PTPRT: variants seen among roughly 807,000 people sequenced by gnomAD.
PTPRT encodes protein tyrosine phosphatase receptor type T.
Under a neutral mutation model 176.8 loss-of-function variants are expected in PTPRT, and 56 were observed. The ratio of observed to expected loss-of-function variants is 0.32; its 90% CI spans 0.26 to 0.40. The LOEUF (loss-of-function observed/expected upper bound fraction) is 0.40, where lower values mean the gene tolerates loss of function less well. Ranked by LOEUF, PTPRT falls within the 10% of genes least tolerant of loss-of-function variation. The pLI is 1.00. For synonymous variants in PTPRT, 783 were observed against 739.0 expected (o/e 1.06, Z -0.96); for missense variants, 1,540 against 1,908.2 (o/e 0.81, Z 3.60).
intron 12 of PTPRT, among the ~76,000 whole-genome samples, chr20:42,296,476 A>G (rs2057389380): frequency 6.6e-6 from 1 of 152,110 alleles, no homozygotes; most frequent in Admixed American, 6.6e-5. Context: ...AAATAATATA[A>G]AAGAACAAAG....
At chr20:42,495,479 C>T (rs1421518682) in intron 7 of PTPRT, among the ~76,000 whole-genome samples, 1 of 152,132 alleles carries the variant, frequency 6.6e-6, no homozygotes, top group Non-Finnish European at 1.5e-5. Flanking sequence ...TGGCATCCTA[C>T]CCTTTATGCC....
chr20:42,534,036 C>G (rs891040004), intron 7 of PTPRT, among the ~76,000 whole-genome samples: 2 of 152,198 alleles, frequency 1.3e-5, no homozygotes, highest in Admixed American at 6.5e-5. Flanking sequence ...TGAAGGAAGA[C>G]AGGTCACCTG....
chr20:42,603,551 G>A (rs956960346), intron 7 of PTPRT, among the ~76,000 whole-genome samples: 4 of 152,256 alleles, frequency 2.6e-5, no homozygotes, highest in Admixed American at 2.6e-4. Context: ...TGGGCCTTGT[G>A]GGCCATATAA....
At chr20:42,147,362 T>C (rs116891565) in intron 17 of PTPRT, among the ~76,000 whole-genome samples, 1,651 of 152,328 alleles carry the variant, frequency 0.011, 20 homozygotes, top group Non-Finnish European at 0.017. Flanking sequence ...AGTGGATCCA[T>C]AGCATCTATC....
At chr20:42,629,226 G>A (rs560792332) in intron 7 of PTPRT, among the ~76,000 whole-genome samples, 2 of 151,894 alleles carry the variant, frequency 1.3e-5, no homozygotes, top group South Asian at 4.2e-4. Flanking sequence ...TTATAGAGAC[G>A]AGTGTTGATG....
intron 20 of PTPRT, among the ~76,000 whole-genome samples, chr20:42,119,366 G>A (rs1042758216): frequency 2.6e-5 from 4 of 151,958 alleles, no homozygotes; most frequent in African/African-American, 7.3e-5. Flanking sequence ...AAGATTTTTC[G>A]CTTTTTTATT....
rs971129042 is a variant in PTPRT at position 42,080,204 on chromosome 20, A to T, written c.*675T>A. 3.9e-5 allele frequency: 9 copies of T among 232,658 alleles called. No homozygotes were observed. The highest frequency in any genetic ancestry group is 1.8e-4 in the African/African-American group (8 of 45,282). 14.4% of individuals were successfully genotyped at this position (232,658 alleles called of 1,614,324 possible). A position where few individuals can be genotyped will look rare whatever the true frequency, so the allele number is the denominator to read the frequency against. On this transcript the variant is annotated 3_prime_UTR_variant, in exon 31 of 31. Coordinates refer to ENST00000373187, the MANE Select transcript of PTPRT (RefSeq NM_007050.6). ...AAAGCAAAGAACACCTTTATCAAAAACTGCTGTGGACACAGCTGGCCGGCC... is the reference window on the plus strand; with the variant it reads ...AAAGCAAAGAACACCTTTATCAAAATCTGCTGTGGACACAGCTGGCCGGCC...
Position 42,429,591 on chromosome 20 carries a change from A to G in PTPRT, c.1560+18629T>C, listed in dbSNP as rs532035522. On this transcript the variant is annotated intron_variant, in intron 9 of 30. Transcript: ENST00000373187. ...GAGACTCAATCTCCTGTGCCAGGGC[A>G]CAGGCAGAGAAAGGTGGAGGGAAGA... Among the ~76,000 whole-genome samples, 4 of 152,338 alleles carry G rather than the reference A, an allele frequency of 2.6e-5. No homozygotes were observed. The South Asian group carries it at 8.3e-4, about 32-fold the overall frequency.
intron 9 of PTPRT, among the ~76,000 whole-genome samples, chr20:42,446,914 A>T (rs979887837): frequency 2.0e-5 from 3 of 152,068 alleles, no homozygotes; most frequent in African/African-American, 7.2e-5. Flanking sequence ...GCAACTTCTA[A>T]GAGGGAGATG....
intron 1 of PTPRT, among the ~76,000 whole-genome samples, chr20:43,008,194 G>A (rs1178161538): frequency 6.6e-6 from 1 of 151,996 alleles, no homozygotes; most frequent in Non-Finnish European, 1.5e-5. Flanking sequence ...GCCTTTGAGA[G>A]ATAATGAGAT....
At chr20:42,462,396 G>A (rs770679875) in intron 8 of PTPRT, among the ~76,000 whole-genome samples, 2 of 152,172 alleles carry the variant, frequency 1.3e-5, no homozygotes, top group African/African-American at 2.4e-5. Flanking sequence ...GAAAGACCTA[G>A]CACAGGCAGG....
intron 1 of PTPRT, among the ~76,000 whole-genome samples, chr20:43,086,911 T>C (rs4812670): frequency 0.6 from 90,982 of 152,056 alleles, 27,688 homozygotes; most frequent in East Asian, 0.82. Flanking sequence ...TAATTTATTC[T>C]GGGTTTATTG....
chr20:43,128,269 GACAA>G (rs1014816704), intron 1 of PTPRT, among the ~76,000 whole-genome samples: 1 of 152,180 alleles, frequency 6.6e-6, no homozygotes, highest in Non-Finnish European at 1.5e-5. Context: ...CATAAAAAAG[GACAA>G]ACAGATACAA....
intron 1 of PTPRT, among the ~76,000 whole-genome samples, chr20:43,170,856 G>A (rs1466720937): frequency 6.6e-6 from 1 of 152,016 alleles, no homozygotes; most frequent in Non-Finnish European, 1.5e-5. Context: ...TATATTTAAG[G>A]GCAAACTAGT....
intron 7 of PTPRT, among the ~76,000 whole-genome samples, chr20:42,527,074 C>T (rs1355003370): frequency 6.6e-6 from 1 of 150,886 alleles, no homozygotes; most frequent in Non-Finnish European, 1.5e-5. Flanking sequence ...CGCCATTCTC[C>T]TGCCTCAGCC....
At chr20:42,423,200 A>C (rs2059135974) in intron 9 of PTPRT, among the ~76,000 whole-genome samples, 1 of 151,234 alleles carries the variant, frequency 6.6e-6, no homozygotes, top group Admixed American at 6.6e-5. Flanking sequence ...AAAAAAAAAA[A>C]AGGAAGAGAA....
chr20:42,952,052 G>A lies in PTPRT; in HGVS notation c.89-66120C>T, dbSNP rs548302235. ...GTGAGGAATACTAAATGCTATTAGG[G>A]TTAAACAGTAGTCAGAAGGTCGAGA... is the stretch of plus-strand genomic sequence containing the variant. On this transcript the variant is annotated intron_variant, in intron 1 of 30. Coordinates refer to ENST00000373187, the MANE Select transcript of PTPRT (RefSeq NM_007050.6). 3.0e-3 allele frequency among the ~76,000 whole-genome samples: 451 copies of A among 152,280 alleles called. 3 individuals carry two copies. The highest frequency in any genetic ancestry group is 2.3e-3 in the Non-Finnish European group (158 of 68,026).
In PTPRT at chr20:42,199,295, G is replaced by C. The variant is rs145661499; in HGVS notation, c.2436C>G (p.Ser812Arg). 2.5e-6 allele frequency: 4 copies of C among 1,614,074 alleles called. No individual in the cohort carries two copies. Among genetic ancestry groups the C allele is most frequent in the Non-Finnish European group, 3.4e-6 (4 of 1,180,036 alleles). ...AGAAGCCTTCATCATTGCGGCTGGCGCTGAGCTTGGTGGTGGGTTTGTCGG... is the reference window on the plus strand; with the variant it reads ...AGAAGCCTTCATCATTGCGGCTGGCCCTGAGCTTGGTGGTGGGTTTGTCGG... ...ASADKPTTKL[S>R]ASRNDEGFSS... is the part of the protein sequence containing the mutation. The change falls in exon 16 of 31, where the codon AGC (serine) becomes AGG (arginine). Residue 812 changes from serine (S) to arginine (R), a missense_variant. Ser to Arg is a moderately radical substitution (Grantham distance 110, BLOSUM62 -1). Around this residue, in one of 11 missense-constraint regions of PTPRT, gnomAD observed 255 missense variants for 250.1 expected, o/e 1.02. Coordinates refer to ENST00000373187, the MANE Select transcript of PTPRT (RefSeq NM_007050.6).
At chr20:42,741,254 G>T (rs2076605557) in intron 6 of PTPRT, among the ~76,000 whole-genome samples, 2 of 152,100 alleles carry the variant, frequency 1.3e-5, no homozygotes, top group African/African-American at 4.8e-5. Flanking sequence ...TTTGGGACTG[G>T]GTGAACTCTT....
Sources: gnomAD v4.1 joint callset for allele counts (sites outside exome capture counted in the v4.1 genomes callset) on GRCh38, gnomAD v4.1.1 for gene constraint, gnomAD v4.1.1 regional missense constraint, MANE v1.5 for transcripts, NCBI Gene and HGNC (gene_info 2026-07-23, HGNC 2026-07-21) for gene names.